ZNF165: variants seen among roughly 807,000 people sequenced by gnomAD.
ZNF165 encodes the protein zinc finger protein 165.
A neutral mutation model predicts 19.6 loss-of-function variants in ZNF165; 14 were observed. The observed-to-expected ratio is 0.71, with a 90% CI of 0.47 to 1.12. The LOEUF (loss-of-function observed/expected upper bound fraction) is 1.12, where lower values mean the gene tolerates loss of function less well. ZNF165 is among the 50% of genes most tolerant of loss of function. The pLI is 0.00. For missense variants in ZNF165, 504 were observed against 566.3 expected (o/e 0.89, Z 1.12); for synonymous variants, 165 against 195.0 (o/e 0.85, Z 1.28).
In ZNF165 at chr6:28,088,818, T is replaced by C; in HGVS notation, c.806T>C (p.Ile269Thr). 8.1e-6 allele frequency: 13 copies of C among 1,614,116 alleles called. No individual in the cohort carries two copies. The highest frequency in any genetic ancestry group is 1.1e-5 in the Non-Finnish European group (13 of 1,180,014). ...LTHKNTVRGE[I>T]ISHDGCERRL... is the part of the protein sequence containing the mutation. ...CACAAAAATACAGTCAGAGGTGAAA[T>C]AATAAGCCACGATGGATGTGAGAGG... Residue 269 changes from isoleucine to threonine, a missense_variant, in exon 4 of 4, where the codon ATA (isoleucine) becomes ACA (threonine). Ile to Thr is a moderately conservative substitution (Grantham distance 89). Coordinates refer to ENST00000683778, the MANE Select transcript of ZNF165 (RefSeq NM_001376491.1).
chr6:28,083,194 GTTCCT>G (rs1764194513), intron 1 of ZNF165, among the ~76,000 whole-genome samples: 1 of 152,142 alleles, frequency 6.6e-6, no homozygotes, highest in African/African-American at 2.4e-5. Context: ...CCTCTACTCT[GTTCCT>G]TTCCTTTCTG....
chr6:28,087,926 G>A (rs944069141), intron 3 of ZNF165, among the ~76,000 whole-genome samples: 15 of 152,332 alleles, frequency 9.8e-5, no homozygotes, highest in Middle Eastern at 3.4e-3. Context: ...AAAGTGCAGA[G>A]TCAAAACAGC....
rs761506846 is a variant in ZNF165, at chr6:28,088,688, A to G, written c.676A>G (p.Ile226Val). 2.5e-6 allele frequency: 4 copies of G among 1,614,086 alleles called. No homozygotes were observed. Among genetic ancestry groups the G allele is most frequent in the South Asian group, 1.1e-5 (1 of 91,084 alleles). Residue 226 changes from isoleucine (I) to valine (V), a missense_variant, in exon 4 of 4, where the codon ATC becomes GTC. Physicochemically the swap from Ile to Val is conservative, Grantham distance 29. Coordinates refer to ENST00000683778, the MANE Select transcript of ZNF165 (RefSeq NM_001376491.1). ...ISEASGESQD[I>V]CKSAGRVKRQ... ...AGAAGCATCTGGTGAGTCTCAAGAC[A>G]TCTGTAAGTCTGCAGGCAGGGTAAA...
Position 28,085,905 on chromosome 6 carries a change from G to A in ZNF165, c.411+14G>A. ...GCAGTACTCCAGGTGCACAGGGGAT[G>A]GGAGATCTAAGACCTCCATAATGGA... is the stretch of plus-strand genomic sequence containing the variant. On this transcript the variant is annotated intron_variant, in intron 2 of 3. Coordinates refer to ENST00000683778, the MANE Select transcript of ZNF165 (RefSeq NM_001376491.1). The A allele has an allele frequency of 6.2e-7, 1 of 1,603,712 alleles. No homozygotes were observed. The highest frequency in any genetic ancestry group is 8.5e-7 in the Non-Finnish European group (1 of 1,179,324).
chr6:28,086,061 T>C, intron 2 of ZNF165, 111 bp from the exon 3 acceptor site: 11 of 1,517,408 alleles, frequency 7.2e-6, no homozygotes, highest in Non-Finnish European at 9.7e-6. Flanking sequence ...TAAATCAGAC[T>C]CGATTCTTCC....
chr6:28,083,697 C>G (rs1190059289), intron 1 of ZNF165, among the ~76,000 whole-genome samples: 1 of 152,196 alleles, frequency 6.6e-6, no homozygotes, highest in Admixed American at 6.5e-5. Flanking sequence ...GCGAGACACA[C>G]CTTTCTATAG....
In ZNF165 at chr6:28,088,766, G is replaced by A. The variant is rs748623706; in HGVS notation, c.754G>A (p.Asp252Asn). The change falls in exon 4 of 4, where the codon GAT becomes AAT. Residue 252 changes from aspartate (D) to asparagine (N), a missense_variant. Coordinates refer to ENST00000683778, the MANE Select transcript of ZNF165 (RefSeq NM_001376491.1). ...GESQRLSSAQDEGFGKILTHK... is the reference protein window; with the variant it reads ...GESQRLSSAQNEGFGKILTHK... ...GTCTCAGAGACTCTCGTCTGCCCAG[G>A]ATGAAGGTTTTGGTAAAATCCTCAC... 16 of 1,613,960 alleles carry A rather than the reference G, an allele frequency of 9.9e-6. No individual in the cohort carries two copies. The South Asian group carries it at 1.4e-4, about 14-fold the overall frequency.
chr6:28,085,384 C>T, intron 1 of ZNF165, 97 bp from the exon 2 acceptor site: 1 of 1,282,980 alleles, frequency 7.8e-7, no homozygotes, highest in East Asian at 2.4e-5. Context: ...CTTTCATCTT[C>T]TTAGACAGTA....
upstream of ZNF165, among the ~76,000 whole-genome samples, chr6:28,080,357 GT>G (rs1049685546): frequency 6.6e-6 from 1 of 151,940 alleles, no homozygotes; most frequent in Non-Finnish European, 1.5e-5. Flanking sequence ...GAGAAAATGT[GT>G]GCTCGAGTGT....
At position 28,085,555 on chromosome 6, in the gene ZNF165, A is replaced by C. The variant is rs777471883; in HGVS notation, c.75A>C (p.Glu25Asp). The change falls in exon 2 of 4, where the codon GAA (glutamate) becomes GAC (aspartate). Residue 25 changes from glutamate to aspartate, a missense_variant. Physicochemically the swap from Glu to Asp is conservative, Grantham distance 45 (BLOSUM62 2). Coordinates refer to ENST00000683778, the MANE Select transcript of ZNF165 (RefSeq NM_001376491.1). ...AAGGACTTCTGATAGTGAAGATAGA[A>C]GAGGAAGAATTTATCCATGGGCAGG... Reference protein sequence around the residue: ...EDEGLLIVKIEEEEFIHGQDT... With the variant: ...EDEGLLIVKIDEEEFIHGQDT... The C allele has an allele frequency of 6.8e-6, 11 of 1,614,266 alleles. No individual in the cohort carries two copies. The highest frequency in any genetic ancestry group is 9.3e-6 in the Non-Finnish European group (11 of 1,180,038).
upstream of ZNF165, chr6:28,080,543 A>ATTTTTTTTTTTTTTTTTTTT (rs34237199): frequency 3.6e-5 from 4 of 111,894 alleles, no homozygotes; most frequent in Non-Finnish European, 5.4e-5. Flanking sequence ...ACGCCCGGCA[A>ATTTTTTTTTTTTTTTTTTTT]TTTTTTTTTT....
Position 28,080,677 on chromosome 6 carries a change from G to C in ZNF165, c.-294G>C, listed in dbSNP as rs1425533580. 6.6e-6 allele frequency: 1 copy of C among 151,864 alleles called. No individual in the cohort carries two copies. Among genetic ancestry groups the C allele is most frequent in the Non-Finnish European group, 1.5e-5 (1 of 68,184 alleles). 9.4% of individuals were successfully genotyped at this position (151,864 alleles called of 1,614,324 possible). Reference sequence around the variant, plus strand: ...CAAAGTGCTGGGACTGCAGGCGTGAGCCACCGCGCCCGGCCAACGTCATTT... The same window carrying C: ...CAAAGTGCTGGGACTGCAGGCGTGACCCACCGCGCCCGGCCAACGTCATTT... On this transcript the variant is annotated 5_prime_UTR_variant, in exon 1 of 4. Coordinates refer to ENST00000683778, the MANE Select transcript of ZNF165 (RefSeq NM_001376491.1).
rs150379905 is a variant in ZNF165 at position 28,089,183 on chromosome 6, C to G, written c.1171C>G (p.Arg391Gly). ...AGAGAGCTCAGATCTTACTAGACATCGGCGAATTCACACTGGGGAAAGACC... is the reference window on the plus strand; with the variant it reads ...AGAGAGCTCAGATCTTACTAGACATGGGCGAATTCACACTGGGGAAAGACC... The part of the protein sequence containing the change: ...FAESSDLTRH[R>G]RIHTGERPFG... Residue 391 changes from arginine to glycine, a missense_variant, in exon 4 of 4, where the codon CGG becomes GGG. By Grantham distance (125) the Arg-to-Gly change is moderately radical. Transcript: ENST00000683778. 4 of 1,614,106 alleles carry G rather than the reference C, an allele frequency of 2.5e-6. No individual in the cohort carries two copies. Among genetic ancestry groups the G allele is most frequent in the Non-Finnish European group, 2.5e-6 (3 of 1,180,024 alleles).
intron 1 of ZNF165, among the ~76,000 whole-genome samples, chr6:28,084,173 G>A (rs1469934847): frequency 4.6e-5 from 7 of 152,130 alleles, no homozygotes; most frequent in Non-Finnish European, 8.8e-5. Context: ...CCAGAGGTAG[G>A]GCCCAAGAAC....
Position 28,089,281 on chromosome 6 carries a change from CAG to C in ZNF165, c.1275_1276del (p.Lys426ThrfsTer5), listed in dbSNP as rs1368159845. The C allele has an allele frequency of 6.2e-7, 1 of 1,614,076 alleles. No homozygotes were observed. The highest frequency in any genetic ancestry group is 1.7e-5 in the Admixed American group (1 of 60,018). The stretch of plus-strand genomic sequence containing the variant: ...TTATCAGGCATCAGAGAATTCACAC[CAG>C]AGAGAAACCCTACGAGTGTAGTGAA... ...HLIRHQRIHT[R>X]EKPYECSECG... On this transcript the variant is annotated frameshift_variant, in exon 4 of 4. Transcript: ENST00000683778. LOFTEE classifies it low-confidence loss of function (END_TRUNC).
chr6:28,089,333 TC>T lies in ZNF165; in HGVS notation c.1322del (p.Ser441TyrfsTer39), dbSNP rs1347751831. 2 of 1,614,146 alleles carry T rather than the reference TC, an allele frequency of 1.2e-6. No homozygotes were observed. Among genetic ancestry groups the T allele is most frequent in the South Asian group, 2.2e-5 (2 of 91,092 alleles). On this transcript the variant is annotated frameshift_variant, in exon 4 of 4. Coordinates refer to ENST00000683778, the MANE Select transcript of ZNF165 (RefSeq NM_001376491.1). LOFTEE classifies it low-confidence loss of function (END_TRUNC). ...SECGKTFRVSSHLIRHFRIHT... is the reference protein window; with the variant it reads ...SECGKTFRVSXHLIRHFRIHT... ...ATGTGGGAAAACCTTCCGAGTGAGCTCACATCTTATTCGACACTTTAGAATT... is the reference window on the plus strand; with the variant it reads ...ATGTGGGAAAACCTTCCGAGTGAGCTACATCTTATTCGACACTTTAGAATT...
chr6:28,083,421 T>C (rs1485259413), intron 1 of ZNF165, among the ~76,000 whole-genome samples: 2 of 152,238 alleles, frequency 1.3e-5, no homozygotes, highest in African/African-American at 4.8e-5. Flanking sequence ...TCACCTGCTC[T>C]GTCCTGAGTC....
chr6:28,088,734 CA>C lies in ZNF165; in HGVS notation c.723del (p.Glu243SerfsTer27). On this transcript the variant is annotated frameshift_variant, in exon 4 of 4. Transcript: ENST00000683778. LOFTEE classifies it low-confidence loss of function (END_TRUNC). ...GTAAAGAGACAATGGGAAAAAGAAT[CA>C]GGGGAGTCTCAGAGACTCTCGTCTG... ...GRVKRQWEKE[S>X]GESQRLSSAQ... The C allele has an allele frequency of 1.9e-6, 3 of 1,614,100 alleles. No individual in the cohort carries two copies. Among genetic ancestry groups the C allele is most frequent in the Non-Finnish European group, 2.5e-6 (3 of 1,180,012 alleles).
chr6:28,089,214 G>C lies in ZNF165; in HGVS notation c.1202G>C (p.Gly401Ala), dbSNP rs113409854. Residue 401 changes from glycine (G) to alanine (A), a missense_variant, in exon 4 of 4, where the codon GGT becomes GCT. Coordinates refer to ENST00000683778, the MANE Select transcript of ZNF165 (RefSeq NM_001376491.1). ...RRIHTGERPF[G>A]CKECGRAFNL... is the part of the protein sequence containing the mutation. ...ATTCACACTGGGGAAAGACCCTTTG[G>C]TTGCAAAGAATGTGGGAGAGCATTC... 3.7e-5 allele frequency: 60 copies of C among 1,614,038 alleles called. No individual in the cohort carries two copies. The highest frequency in any genetic ancestry group is 1.6e-4 in the Middle Eastern group (1 of 6,084).
Sources: allele counts gnomAD v4.1 joint callset (sites outside exome capture counted in the v4.1 genomes callset), GRCh38; gene constraint gnomAD v4.1.1; transcripts MANE v1.5; gene names NCBI Gene and HGNC (gene_info 2026-07-23, HGNC 2026-07-21).